AK5: variants seen among roughly 807,000 people sequenced by gnomAD.
AK5 encodes adenylate kinase isoenzyme 5.
In AK5, 27 loss-of-function variants were observed where a neutral mutation model predicts 69.5. The observed-to-expected ratio is 0.39, with a 90% confidence interval of 0.29 to 0.54. The LOEUF is 0.54. Among genes scored for constraint, AK5 ranks in the 20% least tolerant of loss-of-function variants. The pLI, the probability that AK5 is intolerant of heterozygous loss-of-function variation, is 0.71. For missense variants in AK5, 531 were observed against 700.4 expected (o/e 0.76, Z 2.73); for synonymous variants, 260 against 244.4 (o/e 1.06, Z -0.60).
chr1:77,413,135 T>C (rs1650161404), intron 7 of AK5, among the ~76,000 whole-genome samples: 1 of 152,260 alleles, frequency 6.6e-6, no homozygotes, highest in South Asian at 2.1e-4. Flanking sequence ...TTTGCTTTCC[T>C]GCAGTGGTCC....
At chr1:77,368,253 A>ATATAT (rs1553140304) in intron 6 of AK5, among the ~76,000 whole-genome samples, 1 of 38,666 alleles carries the variant, frequency 2.6e-5, no homozygotes, top group East Asian at 2.3e-3. Context: ...ATATATATAT[A>ATATAT]ATATATATGT....
rs1184470420 is a variant in AK5 at position 77,420,832 on chromosome 1, C to T, written c.1059+3117C>T. On this transcript the variant is annotated intron_variant, in intron 8 of 13. Coordinates refer to ENST00000354567, the MANE Select transcript of AK5 (RefSeq NM_174858.3). Reference sequence around the variant, plus strand: ...TGACACCGTAAACTAGGGATCACCACACTTTTTCTGTAAAGGACCAGGCAG... The same window carrying T: ...TGACACCGTAAACTAGGGATCACCATACTTTTTCTGTAAAGGACCAGGCAG... 2.0e-5 allele frequency among the ~76,000 whole-genome samples: 3 copies of T among 152,314 alleles called. No homozygotes were observed. The East Asian group carries it at 5.8e-4, about 29-fold the overall frequency.
At chr1:77,453,499 CTATT>C (rs1653284983) in intron 8 of AK5, among the ~76,000 whole-genome samples, 3 of 152,156 alleles carry the variant, frequency 2.0e-5, no homozygotes, top group Admixed American at 6.6e-5. Context: ...GATTAGAAGA[CTATT>C]TATTTATCTG....
chr1:77,420,964 G>C (rs1177588514), intron 8 of AK5, among the ~76,000 whole-genome samples: 3 of 152,156 alleles, frequency 2.0e-5, no homozygotes, highest in Non-Finnish European at 4.4e-5. Flanking sequence ...AATGAATGTG[G>C]CTTTGTTGCA....
At chr1:77,531,777 G>A (rs950500591) in intron 12 of AK5, among the ~76,000 whole-genome samples, 1 of 151,876 alleles carries the variant, frequency 6.6e-6, no homozygotes, top group Non-Finnish European at 1.5e-5. Flanking sequence ...TCCTCAGGGT[G>A]GATGGGACTG....
intron 6 of AK5, among the ~76,000 whole-genome samples, chr1:77,398,972 CTACAG>C (rs1364179410): frequency 6.6e-6 from 1 of 152,084 alleles, no homozygotes; most frequent in African/African-American, 2.4e-5. Flanking sequence ...ATTTTCTGGG[CTACAG>C]ATCCCTTTCT....
At chr1:77,328,220 G>A (rs1270950827) in intron 5 of AK5, among the ~76,000 whole-genome samples, 1 of 152,144 alleles carries the variant, frequency 6.6e-6, no homozygotes, top group East Asian at 1.9e-4. Flanking sequence ...AAAACTTCAG[G>A]CCAGGTGCAG....
intron 6 of AK5, among the ~76,000 whole-genome samples, chr1:77,362,569 G>A (rs1309109296): frequency 6.6e-6 from 1 of 152,082 alleles, no homozygotes; most frequent in African/African-American, 2.4e-5. Flanking sequence ...GACTCATAAA[G>A]TTACACATTA....
chr1:77,366,466 T>A (rs1405317548), intron 6 of AK5, among the ~76,000 whole-genome samples: 1 of 152,178 alleles, frequency 6.6e-6, no homozygotes, highest in Non-Finnish European at 1.5e-5. Context: ...ATAAAATAAT[T>A]TGTCCAAGTT....
At chr1:77,483,385 A>C in intron 9 of AK5, 26 bp downstream of exon 9, 3 of 1,592,666 alleles carry the variant, frequency 1.9e-6, no homozygotes, top group Non-Finnish European at 2.6e-6. Context: ...TGATCAGATC[A>C]AAGTTGTCAT....
At chr1:77,351,619 G>C (rs12073962) in intron 6 of AK5, among the ~76,000 whole-genome samples, 35,795 of 152,002 alleles carry the variant, frequency 0.24, 4,770 homozygotes, top group East Asian at 0.57. Flanking sequence ...AGGTGAGATA[G>C]TAAAGGGCTG....
At chr1:77,521,625 G>T (rs1339370574) in intron 11 of AK5, among the ~76,000 whole-genome samples, 3 of 152,148 alleles carry the variant, frequency 2.0e-5, no homozygotes, top group African/African-American at 7.2e-5. Context: ...ACTCAGAACT[G>T]ATTATAAATA....
At chr1:77,539,884 CT>C (rs1659177344) in intron 13 of AK5, among the ~76,000 whole-genome samples, 1 of 152,162 alleles carries the variant, frequency 6.6e-6, no homozygotes, top group Non-Finnish European at 1.5e-5. Context: ...ACTTAAGGAG[CT>C]TTCTTAAAAC....
At chr1:77,462,831 G>A (rs910331061) in intron 8 of AK5, among the ~76,000 whole-genome samples, 4 of 152,146 alleles carry the variant, frequency 2.6e-5, no homozygotes, top group Non-Finnish European at 5.9e-5. Flanking sequence ...TAGCTAAGAA[G>A]ACAATTATTA....
intron 5 of AK5, among the ~76,000 whole-genome samples, chr1:77,326,366 A>T (rs1660804919): frequency 6.6e-6 from 1 of 152,186 alleles, no homozygotes; most frequent in African/African-American, 2.4e-5. Flanking sequence ...TTGAAGTGTT[A>T]GCTTCTTTCA....
chr1:77,439,756 A>G (rs1332252428), intron 8 of AK5, among the ~76,000 whole-genome samples: 2 of 150,632 alleles, frequency 1.3e-5, no homozygotes, highest in African/African-American at 2.4e-5. Flanking sequence ...ATAAAAAAGA[A>G]TATGTATGTA....
chr1:77,380,108 A>C (rs1001059477), intron 6 of AK5, among the ~76,000 whole-genome samples: 4 of 152,212 alleles, frequency 2.6e-5, no homozygotes, highest in Admixed American at 2.6e-4. Context: ...GCTGAAATGC[A>C]AAGACACGAG....
At position 77,441,130 on chromosome 1, in the gene AK5, C is replaced by T. The variant is rs549190989; in HGVS notation, c.1059+23415C>T. ...TTATTTCATTAATTGAATTCTTTAG[C>T]TGCGGGATTTCTGTTTGGTTTTTTA... is the stretch of plus-strand genomic sequence containing the variant. On this transcript the variant is annotated intron_variant, in intron 8 of 13. Coordinates refer to ENST00000354567, the MANE Select transcript of AK5 (RefSeq NM_174858.3). 2.4e-4 allele frequency among the ~76,000 whole-genome samples: 36 copies of T among 152,194 alleles called. No individual in the cohort carries two copies. The South Asian group carries it at 7.5e-3, about 32-fold the overall frequency.
chr1:77,368,464 G>T (rs938667909), intron 6 of AK5, among the ~76,000 whole-genome samples: 2 of 150,792 alleles, frequency 1.3e-5, no homozygotes, highest in African/African-American at 2.4e-5. Flanking sequence ...ATTGAGCCAT[G>T]AGAAAGCAAA....
Sources: gnomAD v4.1 joint callset for allele counts (sites outside exome capture counted in the v4.1 genomes callset) on GRCh38, gnomAD v4.1.1 for gene constraint, MANE v1.5 for transcripts, NCBI Gene and HGNC (gene_info 2026-07-23, HGNC 2026-07-21) for gene names.